TSPAN9: variants seen among roughly 807,000 people sequenced by gnomAD.
TSPAN9 encodes tetraspanin-9.
Under a neutral mutation model 31.0 loss-of-function variants are expected in TSPAN9, and 16 were observed. That is an observed-to-expected ratio of 0.52 (90% CI 0.35 to 0.78). The LOEUF (loss-of-function observed/expected upper bound fraction) is 0.78. Ranked by LOEUF, TSPAN9 falls within the 30% of genes least tolerant of loss-of-function variation. TSPAN9 has a pLI of 0.01. For synonymous variants in TSPAN9, 145 were observed against 121.6 expected, an observed-to-expected ratio of 1.19 and a Z score of -1.27; for missense variants, 272 against 312.5, an observed-to-expected ratio of 0.87 and a Z score of 0.98.
At chr12:3,231,966 C>G (rs988180694) in intron 3 of TSPAN9, among the ~76,000 whole-genome samples, 1 of 152,252 alleles carries the variant, frequency 6.6e-6, no homozygotes, top group Admixed American at 6.5e-5. Flanking sequence ...CCCTGCTTAT[C>G]CTGATTGCAG....
rs376728187 is a variant in TSPAN9, at chr12:3,214,214, C to G, written c.63+12958C>G. On this transcript the variant is annotated intron_variant, in intron 3 of 8. Transcript: ENST00000011898. ...TATATGTTTCTTTTGTTCCCTTTGT[C>G]TTTTTTAAGGAGCTGATGATTATTG... 2.6e-5 allele frequency among the ~76,000 whole-genome samples: 4 copies of G among 152,176 alleles called. No individual in the cohort carries two copies. The East Asian group carries it at 5.8e-4, about 22-fold the overall frequency.
At chr12:3,095,792 G>A (rs2098308199) in intron 2 of TSPAN9, among the ~76,000 whole-genome samples, 1 of 149,130 alleles carries the variant, frequency 6.7e-6, no homozygotes, top group African/African-American at 2.5e-5. Flanking sequence ...GCTGGGAAGA[G>A]GCGCTCCTCA....
At chr12:3,184,603 C>CG (rs1211612520) in intron 2 of TSPAN9, among the ~76,000 whole-genome samples, 4 of 152,070 alleles carry the variant, frequency 2.6e-5, no homozygotes, top group Non-Finnish European at 5.9e-5. Flanking sequence ...ATGATAGCAC[C>CG]GTCTGGATTT....
intron 3 of TSPAN9, among the ~76,000 whole-genome samples, chr12:3,265,849 C>G (rs1341551331): frequency 6.6e-6 from 1 of 152,174 alleles, no homozygotes; most frequent in African/African-American, 2.4e-5. Flanking sequence ...GGTTAAAATC[C>G]CAGCTCTGTC....
Position 3,158,721 on chromosome 12 carries a change from C to CAAAAAA in TSPAN9, c.-17-42439_-17-42434dup, listed in dbSNP as rs765787475. Among the ~76,000 whole-genome samples, 27 of 57,848 alleles carry CAAAAAA rather than the reference C, an allele frequency of 4.7e-4. 1 individual carries two copies. The highest frequency in any genetic ancestry group is 6.8e-4 in the Non-Finnish European group (23 of 34,058). 38.0% of individuals were successfully genotyped at this position (57,848 alleles called of 152,430 possible). A position where few individuals can be genotyped will look rare whatever the true frequency, so the allele number is the denominator to read the frequency against. ...CAGGTGACAGAGCAAGACTCTGTCT[C>CAAAAAA]AAAAAAAAAAAAAAAAAAAAAAGCA... On this transcript the variant is annotated intron_variant, in intron 2 of 8. Coordinates refer to ENST00000011898, the MANE Select transcript of TSPAN9 (RefSeq NM_006675.5).
chr12:3,089,499 G>A (rs1008618354), intron 2 of TSPAN9, among the ~76,000 whole-genome samples: 8 of 151,816 alleles, frequency 5.3e-5, no homozygotes, highest in African/African-American at 1.9e-4. Flanking sequence ...GTTTTACCGT[G>A]TTGGCCAGGG....
chr12:3,161,221 C>CAAAA (rs34492632), intron 2 of TSPAN9, among the ~76,000 whole-genome samples: 5 of 148,646 alleles, frequency 3.4e-5, no homozygotes, highest in African/African-American at 1.2e-4. Flanking sequence ...AACTCGGTCT[C>CAAAA]AAAAAAAAAA....
intron 3 of TSPAN9, among the ~76,000 whole-genome samples, chr12:3,232,734 G>T (rs958645966): frequency 2.6e-5 from 4 of 152,214 alleles, no homozygotes; most frequent in Admixed American, 1.3e-4. Flanking sequence ...GGGATTTGGT[G>T]CATGGGTCTG....
intron 2 of TSPAN9, among the ~76,000 whole-genome samples, chr12:3,196,361 A>T (rs1482103866): frequency 6.6e-6 from 1 of 152,186 alleles, no homozygotes; most frequent in Non-Finnish European, 1.5e-5. Flanking sequence ...TCATCTAATG[A>T]CATCACATCA....
chr12:3,100,479 A>G (rs1414236326), intron 2 of TSPAN9, among the ~76,000 whole-genome samples: 1 of 152,204 alleles, frequency 6.6e-6, no homozygotes, highest in Non-Finnish European at 1.5e-5. Flanking sequence ...AAGCTGGACA[A>G]TCAGAGGACT....
At chr12:3,098,445 C>T (rs956011760) in intron 2 of TSPAN9, among the ~76,000 whole-genome samples, 24 of 152,142 alleles carry the variant, frequency 1.6e-4, no homozygotes, top group African/African-American at 5.3e-4. Flanking sequence ...GGAAAACTGC[C>T]AAATTTGCCT....
rs536967492 is a variant in TSPAN9, at chr12:3,281,458, A to G, written c.564+129A>G. 8.8e-5 allele frequency: 119 copies of G among 1,357,610 alleles called. No homozygotes were observed. In the African/African-American group the frequency reaches 1.7e-3, roughly 19 times the overall value. 84.1% of individuals were successfully genotyped at this position (1,357,610 alleles called of 1,614,324 possible). A position where few individuals can be genotyped will look rare whatever the true frequency, so the allele number is the denominator to read the frequency against. ...CTGAATGTGGCGGTGGGGGGCTCAC[A>G]AAAATAAAGCCAAAAGACAGGTGGA... On this transcript the variant is annotated intron_variant, in intron 7 of 8. Coordinates refer to ENST00000011898, the MANE Select transcript of TSPAN9 (RefSeq NM_006675.5).
intron 3 of TSPAN9, among the ~76,000 whole-genome samples, chr12:3,256,982 G>A (rs564706316): frequency 5.3e-5 from 8 of 152,226 alleles, no homozygotes; most frequent in African/African-American, 1.9e-4. Context: ...AATATCGAGG[G>A]TGAGTTGGGT....
chr12:3,157,510 C>G (rs551806302), intron 2 of TSPAN9, among the ~76,000 whole-genome samples: 2 of 152,342 alleles, frequency 1.3e-5, no homozygotes, highest in South Asian at 4.1e-4. Context: ...CTCAGTTTCT[C>G]CATCTGTAAA....
intron 2 of TSPAN9, among the ~76,000 whole-genome samples, chr12:3,177,148 G>A (rs2098356161): frequency 6.6e-6 from 1 of 152,158 alleles, no homozygotes; most frequent in Admixed American, 6.5e-5. Flanking sequence ...TTAAAAAAAT[G>A]TTTTTTTGAG....
intron 3 of TSPAN9, among the ~76,000 whole-genome samples, chr12:3,269,832 T>G (rs1862639906): frequency 6.6e-6 from 1 of 152,216 alleles, no homozygotes; most frequent in Admixed American, 6.5e-5. Flanking sequence ...GTGCATCCTC[T>G]GTCTGGGAAG....
chr12:3,253,804 G>C (rs1307302743), intron 3 of TSPAN9, among the ~76,000 whole-genome samples: 2 of 152,190 alleles, frequency 1.3e-5, no homozygotes, highest in Non-Finnish European at 2.9e-5. Flanking sequence ...CCCTGGGAAT[G>C]TTCTGTCTGC....
chr12:3,164,045 G>C (rs1410729515), intron 2 of TSPAN9, among the ~76,000 whole-genome samples: 1 of 152,194 alleles, frequency 6.6e-6, no homozygotes, highest in Admixed American at 6.5e-5. Context: ...CACTTAGAAG[G>C]CCAAGCTATA....
chr12:3,158,152 G>A (rs757792861), intron 2 of TSPAN9, among the ~76,000 whole-genome samples: 2 of 152,140 alleles, frequency 1.3e-5, no homozygotes, highest in Non-Finnish European at 2.9e-5. Flanking sequence ...GGCTCCCCTC[G>A]GAGCACAGGG....
Sources: allele counts gnomAD v4.1 joint callset (sites outside exome capture counted in the v4.1 genomes callset), GRCh38; gene constraint gnomAD v4.1.1; transcripts MANE v1.5; gene names NCBI Gene and HGNC (gene_info 2026-07-23, HGNC 2026-07-21).